ZPBP: variants seen among roughly 807,000 people sequenced by gnomAD.
ZPBP encodes zona pellucida-binding protein 1.
Under a neutral mutation model 44.8 loss-of-function variants are expected in ZPBP, and 26 were observed. The observed-to-expected ratio is 0.58, with a 90% CI of 0.43 to 0.81. ZPBP has a LOEUF of 0.81. ZPBP is among the 30% of genes least tolerant of loss of function. The pLI is 0.00. For synonymous variants in ZPBP, 174 were observed against 153.2 expected (o/e 1.14, Z -1.00); for missense variants, 409 against 434.0 (o/e 0.94, Z 0.51).
intron 6 of ZPBP, among the ~76,000 whole-genome samples, chr7:49,990,426 T>C (rs895951243): frequency 7.2e-5 from 11 of 152,170 alleles, no homozygotes; most frequent in Admixed American, 3.3e-4. Flanking sequence ...GATGCCTCAC[T>C]TTCTCGTCCT....
intron 1 of ZPBP, among the ~76,000 whole-genome samples, chr7:49,923,235 CAAAG>C (rs1794098677): frequency 6.6e-6 from 1 of 151,886 alleles, no homozygotes; most frequent in African/African-American, 2.4e-5. Context: ...GACGATAAAA[CAAAG>C]AATTCCCAAG....
chr7:49,866,586 G>A (rs1405308177), intron 2 of ZPBP, among the ~76,000 whole-genome samples: 1 of 152,110 alleles, frequency 6.6e-6, no homozygotes, highest in African/African-American at 2.4e-5. Flanking sequence ...CAGAAAAGAC[G>A]GAAAACAGCC....
intron 1 of ZPBP, among the ~76,000 whole-genome samples, chr7:49,902,356 A>G (rs750282910): frequency 6.6e-6 from 1 of 152,088 alleles, no homozygotes; most frequent in Non-Finnish European, 1.5e-5. Context: ...ATTCCACCCC[A>G]TTTAAAATCT....
At chr7:49,942,900 T>C (rs541917891) in intron 7 of ZPBP, 2 of 165,188 alleles carry the variant, frequency 1.2e-5, no homozygotes, top group Non-Finnish European at 1.3e-5. Flanking sequence ...CTCTTCTTTT[T>C]CTTTTTCAAT....
intron 4 of ZPBP, among the ~76,000 whole-genome samples, chr7:50,041,272 C>T (rs528510708): frequency 6.6e-6 from 1 of 152,324 alleles, no homozygotes; most frequent in East Asian, 1.9e-4. Context: ...GCTCTAAAGA[C>T]AGCAGTGGAT....
At chr7:50,061,808 C>G (rs1385894905) in intron 3 of ZPBP, among the ~76,000 whole-genome samples, 3 of 152,152 alleles carry the variant, frequency 2.0e-5, no homozygotes, top group African/African-American at 7.2e-5. Context: ...GCATGAGAAT[C>G]GCTCGAACCT....
intron 4 of ZPBP, among the ~76,000 whole-genome samples, chr7:50,049,702 C>A (rs962673298): frequency 6.6e-6 from 1 of 151,916 alleles, no homozygotes; most frequent in Non-Finnish European, 1.5e-5. Flanking sequence ...CCACAGCTAA[C>A]ATTATATATA....
At position 49,876,359 on chromosome 7, in the gene ZPBP, G is replaced by A. The variant is rs144841377; in HGVS notation, n.509+24759C>T. On this transcript the variant is annotated intron_variant and non_coding_transcript_variant, in intron 2 of 2. Transcript: ENST00000465922. ...TTATTTTTCTGCCTTCCACTTTGTG[G>A]TTGACAAGACTGGCCAAGTCAATAT... Among the ~76,000 whole-genome samples, 484 of 152,198 alleles carry A rather than the reference G, an allele frequency of 3.2e-3. 6 individuals carry two copies. The highest frequency in any genetic ancestry group is 0.011 in the African/African-American group (451 of 41,550).
chr7:50,049,067 C>T (rs77292397), intron 4 of ZPBP, among the ~76,000 whole-genome samples: 4,719 of 151,998 alleles, frequency 0.031, 92 homozygotes, highest in Middle Eastern at 0.061. Flanking sequence ...ACAAATTAGA[C>T]ACATTTAGAT....
chr7:50,037,306 TAAAG>T (rs1456098612), intron 4 of ZPBP, among the ~76,000 whole-genome samples: 1 of 151,948 alleles, frequency 6.6e-6, no homozygotes, highest in Non-Finnish European at 1.5e-5. Flanking sequence ...ATAGAAAAAA[TAAAG>T]AAACATTTAT....
intron 7 of ZPBP, among the ~76,000 whole-genome samples, chr7:49,981,570 AT>A (rs1796944687): frequency 2.6e-5 from 1 of 38,412 alleles, no homozygotes; most frequent in Non-Finnish European, 5.8e-5. Context: ...ATATTATATA[AT>A]TATATAAATT....
At chr7:49,966,086 T>C (rs1796047983) in intron 7 of ZPBP, among the ~76,000 whole-genome samples, 1 of 152,072 alleles carries the variant, frequency 6.6e-6, no homozygotes, top group Non-Finnish European at 1.5e-5. Flanking sequence ...ATCTTAACCA[T>C]TTATATACTT....
intron 2 of ZPBP, among the ~76,000 whole-genome samples, chr7:49,872,604 C>T (rs74752170): frequency 0.013 from 1,971 of 151,440 alleles, 21 homozygotes; most frequent in Non-Finnish European, 0.018. Flanking sequence ...ACAATAAAAG[C>T]CATGAAGATC....
intron 3 of ZPBP, among the ~76,000 whole-genome samples, chr7:50,072,784 G>A (rs549405377): frequency 2.0e-5 from 3 of 152,314 alleles, no homozygotes; most frequent in Admixed American, 1.3e-4. Context: ...TGAGCTTGAG[G>A]TGTCTCCTAA....
At chr7:49,864,887 T>C (rs1790814199) in intron 2 of ZPBP, among the ~76,000 whole-genome samples, 1 of 152,252 alleles carries the variant, frequency 6.6e-6, no homozygotes, top group African/African-American at 2.4e-5. Flanking sequence ...GATTCAGTGC[T>C]TGCTTTGTTG....
In ZPBP at chr7:49,923,611, A is replaced by ACTTCTTCTT. The variant is rs58162011; in HGVS notation, n.411+12131_411+12139dup. 1.6e-3 allele frequency among the ~76,000 whole-genome samples: 241 copies of ACTTCTTCTT among 151,068 alleles called. 2 individuals carry two copies. The highest frequency in any genetic ancestry group is 4.4e-3 in the African/African-American group (182 of 41,156). On this transcript the variant is annotated intron_variant and non_coding_transcript_variant, in intron 1 of 2. Transcript: ENST00000465922. ...AATTCTGTGTGTTTTAAATATGAAA[A>ACTTCTTCTT]CTTCTTCTTCTTCTTCTAATAGTCA...
intron 4 of ZPBP, among the ~76,000 whole-genome samples, chr7:50,051,475 C>A (rs1384766837): frequency 2.6e-5 from 4 of 152,168 alleles, no homozygotes; most frequent in African/African-American, 7.2e-5. Flanking sequence ...TACGAGGATA[C>A]ATGCACTGAT....
chr7:49,860,990 T>C (rs1790628873), intron 2 of ZPBP, among the ~76,000 whole-genome samples: 1 of 152,190 alleles, frequency 6.6e-6, no homozygotes. Context: ...AGCAAACCAG[T>C]CTGTGGTATT....
chr7:49,931,236 G>T (rs756448781), intron 1 of ZPBP, among the ~76,000 whole-genome samples: 5 of 152,164 alleles, frequency 3.3e-5, no homozygotes, highest in Admixed American at 6.5e-5. Flanking sequence ...TACTGGGAGT[G>T]GGGCACTGCT....
Sources: gnomAD v4.1 joint callset for allele counts (sites outside exome capture counted in the v4.1 genomes callset) on GRCh38, gnomAD v4.1.1 for gene constraint, MANE v1.5 for transcripts, NCBI Gene and HGNC (gene_info 2026-07-23, HGNC 2026-07-21) for gene names.